The following LRP1B variants were observed in gnomAD, a reference collection of about 807,000 sequenced individuals.
LRP1B encodes LDL receptor related protein 1B.
In LRP1B, 217 loss-of-function variants were observed where a neutral mutation model predicts 556.6. The observed-to-expected ratio is 0.39, with a 90% confidence interval of 0.35 to 0.44. The LOEUF (loss-of-function observed/expected upper bound fraction) is 0.44. Ranked by LOEUF, LRP1B falls within the 20% of genes least tolerant of loss-of-function variation. The pLI is 1.00. For missense variants in LRP1B, 5,053 were observed against 5,620.8 expected, an observed-to-expected ratio of 0.90 and a Z score of 3.23; for synonymous variants, 2,047 against 1,865.8, an observed-to-expected ratio of 1.10 and a Z score of -2.50.
chr2:140,332,552 G>A (rs930751507), intron 79 of LRP1B, among the ~76,000 whole-genome samples: 1 of 152,044 alleles, frequency 6.6e-6, no homozygotes, highest in African/African-American at 2.4e-5. Flanking sequence ...TCCTTCTCCA[G>A]ATAATTGTGC....
chr2:141,897,204 G>A (rs974968472), intron 1 of LRP1B, among the ~76,000 whole-genome samples: 5 of 151,922 alleles, frequency 3.3e-5, no homozygotes, highest in African/African-American at 1.2e-4. Context: ...ACCAAAAAAA[G>A]ACACACTGTA....
At chr2:141,892,106 C>A (rs1043806297) in intron 1 of LRP1B, among the ~76,000 whole-genome samples, 1 of 151,774 alleles carries the variant, frequency 6.6e-6, no homozygotes, top group Non-Finnish European at 1.5e-5. Context: ...CTAGGACATG[C>A]TAAGTTCTCT....
chr2:141,781,188 C>T (rs761272317), intron 2 of LRP1B, among the ~76,000 whole-genome samples: 2 of 152,100 alleles, frequency 1.3e-5, no homozygotes, highest in Non-Finnish European at 2.9e-5. Flanking sequence ...AAGCCCTGCA[C>T]CCAGTGAGCA....
At chr2:141,848,235 A>G (rs1697721683) in intron 1 of LRP1B, among the ~76,000 whole-genome samples, 1 of 151,630 alleles carries the variant, frequency 6.6e-6, no homozygotes, top group African/African-American at 2.4e-5. Flanking sequence ...TTTTTTATGT[A>G]TATACTATAG....
chr2:140,623,956 G>GTATATA lies in LRP1B; in HGVS notation c.6800-22323_6800-22318dup, dbSNP rs3060390. ...AAAATATATATTATATTTTATTTAT[G>GTATATA]TATATATATATATATATAGCTTAGT... On this transcript the variant is annotated intron_variant, in intron 41 of 90. Coordinates refer to ENST00000389484, the MANE Select transcript of LRP1B (RefSeq NM_018557.3). Among the ~76,000 whole-genome samples, 272 of 106,432 alleles carry GTATATA rather than the reference G, an allele frequency of 2.6e-3. 14 individuals carry two copies. The highest frequency in any genetic ancestry group is 7.6e-3 in the African/African-American group (225 of 29,428). 69.8% of individuals were successfully genotyped at this position (106,432 alleles called of 152,430 possible).
chr2:141,499,473 T>G (rs923338031), intron 2 of LRP1B, among the ~76,000 whole-genome samples: 1 of 152,080 alleles, frequency 6.6e-6, no homozygotes, highest in African/African-American at 2.4e-5. Context: ...CAAATCCTGC[T>G]TGGATATATT....
chr2:141,200,397 G>A (rs867476226), intron 6 of LRP1B, among the ~76,000 whole-genome samples: 1 of 152,102 alleles, frequency 6.6e-6, no homozygotes, highest in Admixed American at 6.6e-5. Context: ...GGGTGGGTGT[G>A]GGGGAGAGCA....
At chr2:140,785,978 C>T (rs752280770) in intron 32 of LRP1B, among the ~76,000 whole-genome samples, 20 of 152,116 alleles carry the variant, frequency 1.3e-4, no homozygotes, top group Non-Finnish European at 2.5e-4. Flanking sequence ...TCATCTTCCC[C>T]GTAGAAACTG....
At chr2:140,880,974 G>C (rs535615816) in intron 25 of LRP1B, among the ~76,000 whole-genome samples, 1 of 151,994 alleles carries the variant, frequency 6.6e-6, no homozygotes, top group Admixed American at 6.6e-5. Context: ...CCACCAAAAA[G>C]CTTAAGATTT....
chr2:141,455,338 G>A (rs1431126577), intron 3 of LRP1B, among the ~76,000 whole-genome samples: 2 of 151,548 alleles, frequency 1.3e-5, no homozygotes, highest in Admixed American at 6.6e-5. Flanking sequence ...TTCTTCTCCT[G>A]TTTAATGGAT....
chr2:140,745,925 G>A (rs937856875), intron 35 of LRP1B, among the ~76,000 whole-genome samples: 4 of 152,102 alleles, frequency 2.6e-5, no homozygotes, highest in Non-Finnish European at 1.5e-5. Context: ...GGCGGAAAGA[G>A]CATAGAATTT....
At chr2:140,841,337 T>C (rs1246100949) in intron 29 of LRP1B, among the ~76,000 whole-genome samples, 4 of 152,156 alleles carry the variant, frequency 2.6e-5, no homozygotes, top group Non-Finnish European at 5.9e-5. Context: ...ACACTAACCG[T>C]CAATGATTCA....
At chr2:141,357,318 G>A (rs928689114) in intron 3 of LRP1B, among the ~76,000 whole-genome samples, 1 of 152,030 alleles carries the variant, frequency 6.6e-6, no homozygotes, top group African/African-American at 2.4e-5. Context: ...CTTCCAATGT[G>A]TTCACTTTTT....
chr2:142,013,445 G>C (rs1297049965), intron 1 of LRP1B, among the ~76,000 whole-genome samples: 3 of 152,050 alleles, frequency 2.0e-5, no homozygotes, highest in Non-Finnish European at 2.9e-5. Context: ...GACTAGTGTA[G>C]AGTCAGGATA....
chr2:140,767,478 C>T (rs1689157712), intron 35 of LRP1B, among the ~76,000 whole-genome samples: 1 of 151,872 alleles, frequency 6.6e-6, no homozygotes, highest in African/African-American at 2.4e-5. Flanking sequence ...AACATATCCT[C>T]CATCATGGTA....
At chr2:141,871,420 T>G (rs1698583317) in intron 1 of LRP1B, among the ~76,000 whole-genome samples, 1 of 152,026 alleles carries the variant, frequency 6.6e-6, no homozygotes, top group South Asian at 2.1e-4. Flanking sequence ...TTCTTTACTG[T>G]TTTTAAATCT....
chr2:141,040,970 A>G (rs1002797591), intron 11 of LRP1B, among the ~76,000 whole-genome samples: 1 of 152,100 alleles, frequency 6.6e-6, no homozygotes, highest in Non-Finnish European at 1.5e-5. Context: ...TAAAAGAGAA[A>G]CCTACCTTGG....
At chr2:141,497,841 C>A (rs1683563923) in intron 2 of LRP1B, among the ~76,000 whole-genome samples, 1 of 151,686 alleles carries the variant, frequency 6.6e-6, no homozygotes, top group Admixed American at 6.6e-5. Flanking sequence ...GACATTTAAC[C>A]TGACTTTTAA....
rs148618753 is a variant in LRP1B at position 141,549,710 on chromosome 2, T to C, written c.206-69177A>G. ...CTTTCCTGTAATATATAAAACTGCATTCAGGGCCAGGAGCGGTGGCTCACA... is the reference window on the plus strand; with the variant it reads ...CTTTCCTGTAATATATAAAACTGCACTCAGGGCCAGGAGCGGTGGCTCACA... On this transcript the variant is annotated intron_variant, in intron 2 of 90. Transcript: ENST00000389484. Among the ~76,000 whole-genome samples the C allele has an allele frequency of 2.6e-3, 401 of 152,246 alleles. 2 individuals carry two copies. The highest frequency in any genetic ancestry group is 9.2e-3 in the African/African-American group (384 of 41,556).
Sources: allele counts gnomAD v4.1 joint callset (sites outside exome capture counted in the v4.1 genomes callset), GRCh38; gene constraint gnomAD v4.1.1; transcripts MANE v1.5; gene names NCBI Gene and HGNC (gene_info 2026-07-23, HGNC 2026-07-21).